The following SFPQ variants were observed in gnomAD, a reference collection of about 807,000 sequenced individuals.
SFPQ encodes splicing factor proline and glutamine rich, also known as splicing factor, proline- and glutamine-rich.
In SFPQ, 11 loss-of-function variants were observed where a neutral mutation model predicts 72.9. That is an observed-to-expected ratio of 0.15 (90% CI 0.09 to 0.25). The LOEUF (loss-of-function observed/expected upper bound fraction) is 0.25. Among genes scored for constraint, SFPQ ranks in the 10% least tolerant of loss-of-function variants. SFPQ has a pLI of 1.00. For missense variants in SFPQ, 847 were observed against 993.3 expected (o/e 0.85, Z 1.98); for synonymous variants, 506 against 367.3 (o/e 1.38, Z -4.32).
downstream of SFPQ, chr1:35,178,406 G>A (rs1041842100): frequency 2.8e-5 from 30 of 1,066,106 alleles, no homozygotes; most frequent in Non-Finnish European, 5.7e-6. Flanking sequence ...TTTTTCATAT[G>A]AAAGCACATA....
rs748450120 is a variant in SFPQ at position 35,190,502 on chromosome 1, G to C, written c.1411C>G (p.Gln471Glu). The C allele has an allele frequency of 6.2e-7, 1 of 1,601,554 alleles. No individual in the cohort carries two copies. Among genetic ancestry groups the C allele is most frequent in the Non-Finnish European group, 8.5e-7 (1 of 1,170,056 alleles). The change falls in exon 4 of 10, where the codon CAA (glutamine) becomes GAA (glutamate). Residue 471 changes from glutamine to glutamate, a missense_variant. By Grantham distance (29) the Gln-to-Glu change is conservative. This residue lies in a region of SFPQ where 132 missense variants were observed against 255.4 expected (regional missense o/e 0.52). Coordinates refer to ENST00000357214, the MANE Select transcript of SFPQ (RefSeq NM_005066.3). ...EKLAQKNPMYQKERETPPRFA... is the reference protein window; with the variant it reads ...EKLAQKNPMYEKERETPPRFA... ...AAAAAGTTTAATCAATCTTACTTTTGATACATTGGATTCTTCTGGGCAAGT... is the reference window on the plus strand; with the variant it reads ...AAAAAGTTTAATCAATCTTACTTTTCATACATTGGATTCTTCTGGGCAAGT...
Position 35,190,489 on chromosome 1 carries a change from C to A in SFPQ, c.1415+9G>T. ...TTAAAAACTGCCAAAAAAGTTTAATCAATCTTACTTTTGATACATTGGATT... is the reference window on the plus strand; with the variant it reads ...TTAAAAACTGCCAAAAAAGTTTAATAAATCTTACTTTTGATACATTGGATT... On this transcript the variant is annotated intron_variant, in intron 4 of 9. Coordinates refer to ENST00000357214, the MANE Select transcript of SFPQ (RefSeq NM_005066.3). The A allele has an allele frequency of 6.6e-7, 1 of 1,513,234 alleles. No homozygotes were observed. Among genetic ancestry groups the A allele is most frequent in the South Asian group, 1.3e-5 (1 of 79,974 alleles). 93.7% of individuals were successfully genotyped at this position (1,513,234 alleles called of 1,614,324 possible).
chr1:35,192,922 T>C lies in SFPQ; in HGVS notation c.128A>G (p.Asn43Ser). The change falls in exon 1 of 10, where the codon AAT becomes AGT. Residue 43 changes from asparagine (N) to serine (S), a missense_variant. By Grantham distance (46) the Asn-to-Ser change is conservative. Transcript: ENST00000357214. ...SPPPGMGLNQ[N>S]RGPMGPGPGQ... ...CGGGCCAGGACCCATGGGGCCGCGATTCTGATTGAGGCCCATGCCGGGCGG... is the reference window on the plus strand; with the variant it reads ...CGGGCCAGGACCCATGGGGCCGCGACTCTGATTGAGGCCCATGCCGGGCGG... The C allele has an allele frequency of 1.3e-6, 2 of 1,584,886 alleles. No individual in the cohort carries two copies. The highest frequency in any genetic ancestry group is 1.7e-6 in the Non-Finnish European group (2 of 1,173,732).
In SFPQ at chr1:35,192,784, GGCGGCGGCTGATGCGGTGGCGGCTGCT is replaced by G; in HGVS notation, c.239_265del (p.Gln80_Pro88del). 6.7e-7 allele frequency: 1 copy of G among 1,497,764 alleles called. No individual in the cohort carries two copies. Among genetic ancestry groups the G allele is most frequent in the South Asian group, 1.3e-5 (1 of 79,980 alleles). The allele number at this position is 1,497,764 out of a possible 1,614,324, so 92.8% of individuals were successfully genotyped here. On this transcript the variant is annotated inframe_deletion, in exon 1 of 10. Transcript: ENST00000357214. ...CTGCTGCTGATGCGGCTGTGGATGC[GGCGGCGGCTGATGCGGTGGCGGCTGCT>G]GCGGCGGTGGCTGCTGCGGTGGTGG... is the stretch of plus-strand genomic sequence containing the variant.
intron 4 of SFPQ, among the ~76,000 whole-genome samples, chr1:35,190,055 G>A (rs1639919556): frequency 6.6e-6 from 1 of 152,148 alleles, no homozygotes; most frequent in Non-Finnish European, 1.5e-5. Flanking sequence ...GAGGTCAGGA[G>A]TTCGAGATCA....
At chr1:35,185,659 T>A (rs943031416) in intron 9 of SFPQ, among the ~76,000 whole-genome samples, 1 of 152,226 alleles carries the variant, frequency 6.6e-6, no homozygotes, top group Admixed American at 6.5e-5. Flanking sequence ...GCATCAGGGT[T>A]TAACTGTTCC....
Position 35,189,050 on chromosome 1 carries a change from T to C in SFPQ, c.1650A>G (p.Glu550=), listed in dbSNP as rs1477891636. Residue 550 remains glutamate, a synonymous_variant, in exon 6 of 10, where the codon GAA becomes GAG. Transcript: ENST00000357214. ...TCTGCATTTCTTGATTGTGAAGTTCTTCCATGCGTCTTAATTCTTCCTGTC... is the reference window on the plus strand; with the variant it reads ...TCTGCATTTCTTGATTGTGAAGTTCCTCCATGCGTCTTAATTCTTCCTGTC... ...MRRQEELRRM[E]ELHNQEMQKR... The C allele has an allele frequency of 1.2e-6, 2 of 1,612,822 alleles. No homozygotes were observed. The highest frequency in any genetic ancestry group is 4.5e-5 in the East Asian group (2 of 44,900).
At chr1:35,181,236 C>T, downstream of SFPQ, 1 of 1,065,730 alleles carries the variant, frequency 9.4e-7, no homozygotes. Flanking sequence ...CACAGTTACG[C>T]ACTGCAGAAA....
chr1:35,190,657 G>A (rs758424292), intron 3 of SFPQ, 37 bp downstream of exon 3: 34 of 1,609,386 alleles, frequency 2.1e-5, no homozygotes, highest in Admixed American at 8.4e-5. Context: ...TCTCATATAA[G>A]TTGATAGAAA....
chr1:35,183,505 C>T lies in SFPQ; in HGVS notation c.*951G>A. 1 of 1,002,912 alleles carries T rather than the reference C, an allele frequency of 1.0e-6. No homozygotes were observed. The highest frequency in any genetic ancestry group is 1.2e-6 in the Non-Finnish European group (1 of 837,084). The allele number at this position is 1,002,912 out of a possible 1,614,324, so 62.1% of individuals were successfully genotyped here. On this transcript the variant is annotated 3_prime_UTR_variant, in exon 10 of 10. Coordinates refer to ENST00000357214, the MANE Select transcript of SFPQ (RefSeq NM_005066.3). ...GTGCTGGGATTACAGGCGTGAGCCA[C>T]CGCGCCCGGCCCAGTTACTAAACCT...
chr1:35,188,678 C>T (rs1192037480), intron 6 of SFPQ, among the ~76,000 whole-genome samples: 6 of 152,136 alleles, frequency 3.9e-5, no homozygotes, highest in Admixed American at 6.5e-5. Flanking sequence ...AAAAAATGGC[C>T]AAGCGTGGCG....
chr1:35,184,452 A>C lies in SFPQ; in HGVS notation c.*4T>G. The C allele has an allele frequency of 1.2e-6, 2 of 1,604,904 alleles. No homozygotes were observed. Among genetic ancestry groups the C allele is most frequent in the Non-Finnish European group, 1.7e-6 (2 of 1,177,154 alleles). On this transcript the variant is annotated 3_prime_UTR_variant, in exon 10 of 10. Transcript: ENST00000357214. ...AAACTGGAATGAAAGCCTAAATATC[A>C]CATCTAAAATCGGGGTTTTTTGTTT...
downstream of SFPQ, chr1:35,180,633 G>T: frequency 5.7e-6 from 6 of 1,050,328 alleles, no homozygotes; most frequent in Non-Finnish European, 6.9e-6. Flanking sequence ...ATTTTAAATC[G>T]CATTACAAAA....
downstream of SFPQ, chr1:35,182,625 T>TA (rs1283233678): frequency 2.3e-5 from 23 of 985,314 alleles, no homozygotes; most frequent in Non-Finnish European, 2.7e-5. Flanking sequence ...AGCATGTTAA[T>TA]AAAGGTTTGA....
downstream of SFPQ, chr1:35,180,893 G>A: frequency 1.0e-6 from 1 of 985,262 alleles, no homozygotes; most frequent in Non-Finnish European, 1.2e-6. Context: ...CCACACAACT[G>A]AGTCAGATAT....
chr1:35,192,112 A>C, intron 1 of SFPQ, 110 bp downstream of exon 1: 4 of 916,034 alleles, frequency 4.4e-6, no homozygotes, highest in Non-Finnish European at 5.7e-6. Context: ...GGCGCGCGCA[A>C]GCGCCCCTTC....
At chr1:35,191,098 G>A in intron 2 of SFPQ, 103 bp from the exon 3 acceptor site, 4 of 1,077,596 alleles carry the variant, frequency 3.7e-6, no homozygotes, top group Non-Finnish European at 5.4e-6. Context: ...CTTCAGCTCA[G>A]TTCGACCATT....
At chr1:35,178,197 G>A (rs1464579973), downstream of SFPQ, 2 of 1,072,084 alleles carry the variant, frequency 1.9e-6, no homozygotes, top group Middle Eastern at 4.2e-4. Flanking sequence ...TGGTGGGGGG[G>A]AAATCTAAAA....
intron 7 of SFPQ, among the ~76,000 whole-genome samples, 193 bp downstream of exon 7, chr1:35,187,772 AAAACCAAG>A (rs1639794587): frequency 6.6e-6 from 1 of 151,910 alleles, no homozygotes; most frequent in African/African-American, 2.4e-5. Context: ...ACAAAACAAA[AAAACCAAG>A]AAACAAAACA....
Sources: gnomAD v4.1 joint callset for allele counts (sites outside exome capture counted in the v4.1 genomes callset) on GRCh38, gnomAD v4.1.1 for gene constraint, gnomAD v4.1.1 regional missense constraint, MANE v1.5 for transcripts, NCBI Gene and HGNC (gene_info 2026-07-23, HGNC 2026-07-21) for gene names.